The following ADGRG1 variants were observed in gnomAD, a reference collection of about 807,000 sequenced individuals.
ADGRG1 encodes adhesion G protein-coupled receptor G1.
Under a neutral mutation model 73.5 loss-of-function variants are expected in ADGRG1, and 53 were observed. That is an observed-to-expected ratio of 0.72 (90% CI 0.58 to 0.91). The LOEUF (loss-of-function observed/expected upper bound fraction) is 0.91. ADGRG1 is among the 40% of genes least tolerant of loss of function. ADGRG1 has a pLI of 0.00. For missense variants in ADGRG1, 795 were observed against 871.8 expected, an observed-to-expected ratio of 0.91 and a Z score of 1.11; for synonymous variants, 394 against 374.4, an observed-to-expected ratio of 1.05 and a Z score of -0.60.
chr16:57,624,280 G>A (rs568612212), upstream of ADGRG1: 30 of 409,800 alleles, frequency 7.3e-5, no homozygotes, highest in Non-Finnish European at 9.9e-5. Flanking sequence ...TGGGAGGATC[G>A]CTTGAGCTCA....
Position 57,660,741 on chromosome 16 carries a change from TAGAGCAAC to T in ADGRG1, c.1556-25_1556-18del, listed in dbSNP as rs755651452. On this transcript the variant is annotated intron_variant, in intron 11 of 13. Transcript: ENST00000562631. ...TGGGCAGGCCTCAGAGAGCGGGAAG[TAGAGCAAC>T]ATGCATTGCCACCCTCAGGCTTCCC... 3 of 1,527,340 alleles carry T rather than the reference TAGAGCAAC, an allele frequency of 2.0e-6. No homozygotes were observed. The South Asian group carries it at 3.4e-5, about 17-fold the overall frequency. The allele number at this position is 1,527,340 out of a possible 1,614,324, so 94.6% of individuals were successfully genotyped here.
rs1355781777 is a variant in ADGRG1, at chr16:57,651,613, T to A, written c.478T>A (p.Ser160Thr). ...GCCCAGTGCCGCCAGCTTCACCTTCTCCTTCCACAGTAAGGCAACTTCCAG... is the reference window on the plus strand; with the variant it reads ...GCCCAGTGCCGCCAGCTTCACCTTCACCTTCCACAGTAAGGCAACTTCCAG... Reference protein sequence around the residue: ...SLPSAASFTFSFHSPPHTAAH... With the variant: ...SLPSAASFTFTFHSPPHTAAH... The change falls in exon 3 of 14, where the codon TCC becomes ACC. Residue 160 changes from serine to threonine, a missense_variant. By Grantham distance (58) the Ser-to-Thr change is moderately conservative (BLOSUM62 1). Coordinates refer to ENST00000562631, the MANE Select transcript of ADGRG1 (RefSeq NM_201525.4). 2 of 1,613,624 alleles carry A rather than the reference T, an allele frequency of 1.2e-6. No homozygotes were observed. The highest frequency in any genetic ancestry group is 8.5e-7 in the Non-Finnish European group (1 of 1,179,972).
In ADGRG1 at chr16:57,652,936, C is replaced by G. The variant is rs2044476222; in HGVS notation, c.488-267C>G. Reference sequence around the variant, plus strand: ...GCTCCGTGTGTGTAGCCGAAGGTGTCTGCGGAGGGTGCTGAGCAAGGCACA... The same window carrying G: ...GCTCCGTGTGTGTAGCCGAAGGTGTGTGCGGAGGGTGCTGAGCAAGGCACA... On this transcript the variant is annotated intron_variant, in intron 3 of 13. Coordinates refer to ENST00000562631, the MANE Select transcript of ADGRG1 (RefSeq NM_201525.4). 2.3e-6 allele frequency: 3 copies of G among 1,333,268 alleles called. No homozygotes were observed. In the Admixed American group the frequency reaches 9.6e-5, roughly 43 times the overall value. The allele number at this position is 1,333,268 out of a possible 1,614,324, so 82.6% of individuals were successfully genotyped here. A position where few individuals can be genotyped will look rare whatever the true frequency, so the allele number is the denominator to read the frequency against.
rs1474326315 is a variant in ADGRG1, at chr16:57,647,371, G to A, written c.-35-2882G>A. 5 of 983,442 alleles carry A rather than the reference G, an allele frequency of 5.1e-6. No individual in the cohort carries two copies. In the East Asian group the frequency reaches 3.4e-4, roughly 67 times the overall value. The allele number at this position is 983,442 out of a possible 1,614,324, so 60.9% of individuals were successfully genotyped here. ...TTGCTGGGGGCCGTACGGGAAGAGG[G>A]GGAAACAGGGAGGAGGGGCCTGTGA... On this transcript the variant is annotated intron_variant, in intron 1 of 13. Coordinates refer to ENST00000562631, the MANE Select transcript of ADGRG1 (RefSeq NM_201525.4).
At chr16:57,622,957 G>A (rs900662654), upstream of ADGRG1, 4 of 985,326 alleles carry the variant, frequency 4.1e-6, no homozygotes, top group African/African-American at 7.0e-5. Flanking sequence ...GAGGGAGAAC[G>A]TCTGTCTGCA....
chr16:57,655,620 C>G, intron 6 of ADGRG1, 90 bp downstream of exon 6: 4 of 1,599,592 alleles, frequency 2.5e-6, no homozygotes, highest in African/African-American at 1.3e-5. Context: ...GCTCCTTCCT[C>G]TGGGAGTCAA....
At chr16:57,654,999 C>T (rs1397242231) in intron 5 of ADGRG1, 14 of 948,012 alleles carry the variant, frequency 1.5e-5, no homozygotes, top group South Asian at 4.9e-5. Context: ...GGATTACAGG[C>T]GTGAGCCACT....
rs146704802 is a variant in ADGRG1 at position 57,655,474 on chromosome 16, G to T, written c.844G>T (p.Gly282Trp). Residue 282 changes from glycine to tryptophan, a missense_variant, in exon 6 of 14, where the codon GGG becomes TGG. Transcript: ENST00000562631. ...CTTCCAGAGGACGAAAGGCCGGAGC[G>T]GGGAGGCTGAGAAGAGACTCCTCCT... ...TLFQRTKGRS[G>W]EAEKRLLLVD... 6.2e-6 allele frequency: 10 copies of T among 1,613,692 alleles called. No homozygotes were observed. Among genetic ancestry groups the T allele is most frequent in the East Asian group, 2.2e-5 (1 of 44,884 alleles).
At chr16:57,661,364 C>T in intron 12 of ADGRG1, 1 of 985,218 alleles carries the variant, frequency 1.0e-6, no homozygotes, top group Non-Finnish European at 1.2e-6. Flanking sequence ...TCCCCTGAAC[C>T]CAAACCGGAA....
Position 57,663,743 on chromosome 16 carries a change from C to A in ADGRG1, c.*161C>A. 1 of 780,898 alleles carries A rather than the reference C, an allele frequency of 1.3e-6. No homozygotes were observed. Among genetic ancestry groups the A allele is most frequent in the East Asian group, 2.7e-5 (1 of 37,318 alleles). 48.4% of individuals were successfully genotyped at this position (780,898 alleles called of 1,614,324 possible). A position where few individuals can be genotyped will look rare whatever the true frequency, so the allele number is the denominator to read the frequency against. ...GCCGTTGCCATGGTGGACGGACTCC[C>A]GGGCTGGGCTTTTGAATTGGCCTTG... On this transcript the variant is annotated 3_prime_UTR_variant, in exon 14 of 14. Coordinates refer to ENST00000562631, the MANE Select transcript of ADGRG1 (RefSeq NM_201525.4).
intron 1 of ADGRG1, chr16:57,629,115 C>T (rs759307902): frequency 3.3e-5 from 31 of 938,116 alleles, no homozygotes; most frequent in Non-Finnish European, 3.9e-5. Context: ...TGTGTGCATC[C>T]GTGCACGGGT....
chr16:57,641,447 C>A lies in ADGRG1; in HGVS notation c.-35-8806C>A, dbSNP rs566513731. 4.1e-6 allele frequency: 4 copies of A among 982,468 alleles called. No individual in the cohort carries two copies. In the South Asian group the frequency reaches 1.9e-4, roughly 46 times the overall value. 60.9% of individuals were successfully genotyped at this position (982,468 alleles called of 1,614,324 possible). ...TGAACAGGCCTGGCACCAGAGTCTT[C>A]GGACTGCTGGCTCTTTGGCTCTTTG... On this transcript the variant is annotated intron_variant, in intron 1 of 13. Transcript: ENST00000562631.
intron 10 of ADGRG1, chr16:57,659,025 C>G: frequency 2.0e-6 from 2 of 985,066 alleles, no homozygotes; most frequent in African/African-American, 1.7e-5. Context: ...CTCAGACTCA[C>G]AGGTGCACAG....
Position 57,651,537 on chromosome 16 carries a change from G to A in ADGRG1, c.402G>A (p.Pro134=), listed in dbSNP as rs149607882. 9.2e-5 allele frequency: 148 copies of A among 1,614,046 alleles called. 1 individual carries two copies. The highest frequency in any genetic ancestry group is 2.5e-4 in the African/African-American group (19 of 74,926). Residue 134 remains proline (P), a synonymous_variant, in exon 3 of 14, where the codon CCG becomes CCA. Transcript: ENST00000562631. ...AGGAGAGCCTGGCTCAGGGCCCCCC[G>A]CTGTTAGCCACTTCTGTCACCTCCT... ...HQEESLAQGP[P]LLATSVTSWW...
At chr16:57,637,962 C>T (rs2039790059) in intron 1 of ADGRG1, among the ~76,000 whole-genome samples, 1 of 152,256 alleles carries the variant, frequency 6.6e-6, no homozygotes. Context: ...CCCACCCTAT[C>T]TGCTGGCCTG....
chr16:57,639,521 G>A (rs2040219101), intron 1 of ADGRG1: 4 of 985,350 alleles, frequency 4.1e-6, no homozygotes, highest in South Asian at 4.7e-5. Flanking sequence ...GGGTGGCCCA[G>A]CTTCAAAGTC....
At chr16:57,621,404 A>G (rs377574827) in intron 2 of ADGRG1, 6 of 152,066 alleles carry the variant, frequency 3.9e-5, no homozygotes, top group East Asian at 1.9e-4. Context: ...AGGTGAGGAA[A>G]CGGAGGCGCC....
At chr16:57,641,204 G>T in intron 1 of ADGRG1, 1 of 843,276 alleles carries the variant, frequency 1.2e-6, no homozygotes, top group Non-Finnish European at 1.4e-6. Context: ...GAAGGGACAG[G>T]CTGGCCTCAA....
intron 1 of ADGRG1, chr16:57,642,692 A>G (rs1486579645): frequency 1.0e-6 from 1 of 956,688 alleles, no homozygotes; most frequent in Non-Finnish European, 1.2e-6. Flanking sequence ...AAGTTACCTC[A>G]TGGTAAAGAT....
Sources: gnomAD v4.1 joint callset for allele counts (sites outside exome capture counted in the v4.1 genomes callset) on GRCh38, gnomAD v4.1.1 for gene constraint, MANE v1.5 for transcripts, NCBI Gene and HGNC (gene_info 2026-07-23, HGNC 2026-07-21) for gene names.